The following RIT2 variants were observed in gnomAD, a reference collection of about 807,000 sequenced individuals.
RIT2 encodes the protein GTP-binding protein Rit2.
Under a neutral mutation model 23.7 loss-of-function variants are expected in RIT2, and 24 were observed. That is an observed-to-expected ratio of 1.01 (90% CI 0.73 to 1.43). The LOEUF (loss-of-function observed/expected upper bound fraction) is 1.43, where lower values mean the gene tolerates loss of function less well. Ranked by LOEUF, RIT2 falls within the 40% of genes most tolerant of loss-of-function variation. The probability of loss-of-function intolerance (pLI) is 0.00; values close to 1 mark genes in which losing one functional copy is unlikely to be tolerated. For missense variants in RIT2, 236 were observed against 266.9 expected (o/e 0.88, Z 0.81); for synonymous variants, 107 against 91.1 (o/e 1.17, Z -0.99).
At chr18:42,922,970 A>T (rs1235356972) in intron 4 of RIT2, among the ~76,000 whole-genome samples, 1 of 152,128 alleles carries the variant, frequency 6.6e-6, no homozygotes, top group Non-Finnish European at 1.5e-5. Context: ...CCCCCAAAAC[A>T]TGGTAGCGTA....
intron 4 of RIT2, among the ~76,000 whole-genome samples, chr18:42,896,233 C>T (rs1021426812): frequency 6.6e-6 from 1 of 152,156 alleles, no homozygotes; most frequent in Non-Finnish European, 1.5e-5. Context: ...CATTGCACTC[C>T]AGCCTGGGCA....
chr18:42,935,811 G>A (rs1355001919), intron 3 of RIT2, among the ~76,000 whole-genome samples: 1 of 152,070 alleles, frequency 6.6e-6, no homozygotes, highest in African/African-American at 2.4e-5. Context: ...AGTGGCTCAA[G>A]ACCCCGGTGA....
intron 4 of RIT2, among the ~76,000 whole-genome samples, chr18:42,854,929 C>T (rs1294888690): frequency 6.6e-6 from 1 of 152,168 alleles, no homozygotes; most frequent in African/African-American, 2.4e-5. Context: ...CTTCTCTGAT[C>T]TCTTTTTCAG....
intron 4 of RIT2, among the ~76,000 whole-genome samples, chr18:42,854,019 C>G (rs753254777): frequency 1.3e-5 from 2 of 152,140 alleles, no homozygotes; most frequent in African/African-American, 4.8e-5. Context: ...TAGCTTAGTA[C>G]ATGGTTTGAT....
chr18:43,032,194 T>G (rs1158344357), intron 2 of RIT2, among the ~76,000 whole-genome samples: 1 of 152,102 alleles, frequency 6.6e-6, no homozygotes, highest in Admixed American at 6.6e-5. Context: ...CCAGGTATCT[T>G]AATCTCAAGT....
chr18:42,770,025 T>C (rs1486225583), intron 4 of RIT2, among the ~76,000 whole-genome samples: 1 of 151,990 alleles, frequency 6.6e-6, no homozygotes, highest in Non-Finnish European at 1.5e-5. Flanking sequence ...TCCTAGTTTT[T>C]TTTTTGCAGC....
chr18:42,919,760 C>T (rs987114016), intron 4 of RIT2, among the ~76,000 whole-genome samples: 1 of 151,914 alleles, frequency 6.6e-6, no homozygotes, highest in Admixed American at 6.6e-5. Context: ...AACGTTCTAA[C>T]CTAGCTCCCA....
rs1246838545 is a variant in RIT2, at chr18:42,748,067, C to T, written c.427-4347G>A. ...ACTTAATTAAACTAAAAAGTTTCTG[C>T]ACATCAAAATAAACAATCAGCAGAG... On this transcript the variant is annotated intron_variant, in intron 4 of 4. Transcript: ENST00000326695. Among the ~76,000 whole-genome samples, 3 of 152,116 alleles carry T rather than the reference C, an allele frequency of 2.0e-5. No homozygotes were observed. The East Asian group carries it at 5.8e-4, about 29-fold the overall frequency.
Position 43,109,122 on chromosome 18 carries a change from C to G in RIT2, c.103+6295G>C, listed in dbSNP as rs1232973613. On this transcript the variant is annotated intron_variant, in intron 1 of 4. Coordinates refer to ENST00000326695, the MANE Select transcript of RIT2 (RefSeq NM_002930.4). ...GAAGGAATTGGTTGTGTGCTGCTTT[C>G]CGTTTACCTCAGAGATATTGTTACT... 2.0e-5 allele frequency among the ~76,000 whole-genome samples: 3 copies of G among 152,300 alleles called. No individual in the cohort carries two copies. The East Asian group carries it at 5.8e-4, about 29-fold the overall frequency.
intron 3 of RIT2, among the ~76,000 whole-genome samples, chr18:42,962,978 G>A (rs562880640): frequency 5.9e-5 from 9 of 152,160 alleles, no homozygotes; most frequent in African/African-American, 2.2e-4. Flanking sequence ...AACTCTTTTG[G>A]TCACAGTGTG....
chr18:42,994,656 A>G (rs1415115941), intron 2 of RIT2, among the ~76,000 whole-genome samples: 2 of 152,086 alleles, frequency 1.3e-5, no homozygotes, highest in Non-Finnish European at 2.9e-5. Flanking sequence ...ATTCTTACAC[A>G]AGGACCGGGA....
At chr18:43,035,087 A>G (rs1056329843) in intron 1 of RIT2, among the ~76,000 whole-genome samples, 4 of 152,232 alleles carry the variant, frequency 2.6e-5, no homozygotes, top group Non-Finnish European at 4.4e-5. Flanking sequence ...TACACACTTT[A>G]GCAAATATTC....
chr18:42,780,123 G>A (rs1219972990), intron 4 of RIT2, among the ~76,000 whole-genome samples: 2 of 130,540 alleles, frequency 1.5e-5, no homozygotes, highest in South Asian at 2.4e-4. Flanking sequence ...GGGGTCCTGA[G>A]GACATGTACC....
chr18:43,065,159 C>T (rs1051696756), intron 1 of RIT2, among the ~76,000 whole-genome samples: 12 of 150,230 alleles, frequency 8.0e-5, no homozygotes, highest in African/African-American at 2.9e-4. Context: ...TGAGATGTGT[C>T]AGGTTTTACT....
At chr18:42,888,741 G>T (rs1908094818) in intron 4 of RIT2, among the ~76,000 whole-genome samples, 1 of 151,994 alleles carries the variant, frequency 6.6e-6, no homozygotes, top group Non-Finnish European at 1.5e-5. Flanking sequence ...AAAAAAGAAT[G>T]AAATCATGTC....
chr18:42,936,674 T>C (rs773108883), intron 3 of RIT2, among the ~76,000 whole-genome samples: 1 of 152,150 alleles, frequency 6.6e-6, no homozygotes, highest in Non-Finnish European at 1.5e-5. Flanking sequence ...CATGTGGCAT[T>C]CTTTACTCCG....
chr18:42,851,924 C>T (rs1907064760), intron 4 of RIT2, among the ~76,000 whole-genome samples: 1 of 152,172 alleles, frequency 6.6e-6, no homozygotes, highest in Non-Finnish European at 1.5e-5. Flanking sequence ...TATTTGCTCT[C>T]TCAGGTATCT....
At position 42,886,369 on chromosome 18, in the gene RIT2, C is replaced by T. The variant is rs924032261; in HGVS notation, c.426+37203G>A. ...TATAAACAGATTGATAAAAATTATG[C>T]TAGACATGACAGATATGCTAGATAG... On this transcript the variant is annotated intron_variant, in intron 4 of 4. Transcript: ENST00000326695. 5.3e-5 allele frequency among the ~76,000 whole-genome samples: 8 copies of T among 152,178 alleles called. No homozygotes were observed. The East Asian group carries it at 1.5e-3, about 29-fold the overall frequency.
At chr18:43,028,628 T>G (rs1298287754) in intron 2 of RIT2, among the ~76,000 whole-genome samples, 2 of 152,058 alleles carry the variant, frequency 1.3e-5, no homozygotes, top group Non-Finnish European at 2.9e-5. Flanking sequence ...AGAGTTATAC[T>G]GGAGCACTTA....
Sources: gnomAD v4.1 joint callset for allele counts (sites outside exome capture counted in the v4.1 genomes callset) on GRCh38, gnomAD v4.1.1 for gene constraint, MANE v1.5 for transcripts, NCBI Gene and HGNC (gene_info 2026-07-23, HGNC 2026-07-21) for gene names.